Variants in SCD5 observed in about 807,000 individuals in gnomAD.
SCD5 encodes acyl-CoA-desaturase 4.
SCD5 carries 20 observed loss-of-function variants against 30.4 expected under a neutral mutation model. The observed-to-expected ratio is 0.66, with a 90% CI of 0.46 to 0.96. SCD5 has a LOEUF of 0.96. Among genes scored for constraint, SCD5 ranks in the 40% least tolerant of loss-of-function variants. The pLI is 0.00. For missense variants in SCD5, 381 were observed against 443.3 expected (o/e 0.86, Z 1.26); for synonymous variants, 173 against 176.4 (o/e 0.98, Z 0.16).
chr4:82,676,110 C>T (rs1728431266), intron 3 of SCD5, among the ~76,000 whole-genome samples: 1 of 152,138 alleles, frequency 6.6e-6, no homozygotes, highest in African/African-American at 2.4e-5. Context: ...TTCAGCCTCC[C>T]TGATTCCCCT....
At chr4:82,718,440 C>G (rs1720279922) in intron 1 of SCD5, among the ~76,000 whole-genome samples, 1 of 151,772 alleles carries the variant, frequency 6.6e-6, no homozygotes, top group South Asian at 2.1e-4. Context: ...GACCCTCCCT[C>G]ACCATGGTGA....
chr4:82,667,242 A>G (rs564007105), intron 3 of SCD5, among the ~76,000 whole-genome samples: 1 of 151,592 alleles, frequency 6.6e-6, no homozygotes, highest in South Asian at 2.1e-4. Flanking sequence ...AAGAAAAATG[A>G]CTGCTAATGC....
intron 1 of SCD5, among the ~76,000 whole-genome samples, chr4:82,733,287 C>A (rs907950817): frequency 1.3e-5 from 2 of 152,134 alleles, no homozygotes; most frequent in African/African-American, 4.8e-5. Context: ...TCAGCCCCCT[C>A]CCCAGAGCAC....
Position 82,759,060 on chromosome 4 carries a change from G to T in SCD5, c.232+39246C>A, listed in dbSNP as rs577799112. ...CCCTCTTCAGCTCCCGGCCATCTCG[G>T]GTCAGAACGCATCACGGTTCCTTTC... On this transcript the variant is annotated intron_variant, in intron 1 of 4. Transcript: ENST00000319540. Among the ~76,000 whole-genome samples, 6 of 152,312 alleles carry T rather than the reference G, an allele frequency of 3.9e-5. No homozygotes were observed. In the South Asian group the frequency reaches 1.2e-3, roughly 32 times the overall value.
At chr4:82,679,242 A>AGAAAGAAAGAG (rs1560531654) in intron 3 of SCD5, among the ~76,000 whole-genome samples, 2 of 83,814 alleles carry the variant, frequency 2.4e-5, no homozygotes, top group Non-Finnish European at 4.8e-5. Flanking sequence ...GAAAGAAAGA[A>AGAAAGAAAGAG]AGAAAGAAAG....
chr4:82,703,697 CAG>C (rs1231564057), intron 2 of SCD5, among the ~76,000 whole-genome samples: 3 of 152,104 alleles, frequency 2.0e-5, no homozygotes, highest in Admixed American at 6.5e-5. Flanking sequence ...GAAAAAAAAT[CAG>C]AGTTTTAGGC....
chr4:82,762,201 G>C (rs927010268), intron 1 of SCD5, among the ~76,000 whole-genome samples: 21 of 145,190 alleles, frequency 1.4e-4, no homozygotes, highest in Non-Finnish European at 3.0e-4. Flanking sequence ...GGGGAAGGGA[G>C]GGGAGGGGGA....
intron 4 of SCD5, among the ~76,000 whole-genome samples, chr4:82,633,302 A>G (rs1331653627): frequency 6.6e-6 from 1 of 152,226 alleles, no homozygotes; most frequent in African/African-American, 2.4e-5. Flanking sequence ...AGTTGTGGCA[A>G]ATGACAGGAT....
At chr4:82,751,512 T>C (rs1316958873) in intron 1 of SCD5, among the ~76,000 whole-genome samples, 1 of 152,244 alleles carries the variant, frequency 6.6e-6, no homozygotes, top group Admixed American at 6.5e-5. Flanking sequence ...AAATCCTATG[T>C]ACATCAGTCA....
chr4:82,697,094 G>T (rs1324326154), intron 2 of SCD5, among the ~76,000 whole-genome samples: 1 of 152,184 alleles, frequency 6.6e-6, no homozygotes, highest in Non-Finnish European at 1.5e-5. Context: ...GGTTCACTGT[G>T]TGCAGCACTT....
At chr4:82,634,054 GTTCA>G (rs1318193021) in intron 4 of SCD5, among the ~76,000 whole-genome samples, 1 of 152,032 alleles carries the variant, frequency 6.6e-6, no homozygotes, top group Non-Finnish European at 1.5e-5. Context: ...TGTTTTCAAG[GTTCA>G]TTCATTTTGT....
At chr4:82,717,849 G>A (rs1271501168) in intron 1 of SCD5, among the ~76,000 whole-genome samples, 2 of 151,692 alleles carry the variant, frequency 1.3e-5, no homozygotes, top group Non-Finnish European at 2.9e-5. Flanking sequence ...CCAGGAGGCA[G>A]AGGTTGCAGT....
In SCD5 at chr4:82,771,791, T is replaced by TA. The variant is rs1489516483; in HGVS notation, c.232+26514dup. On this transcript the variant is annotated intron_variant, in intron 1 of 4. Transcript: ENST00000319540. The stretch of plus-strand genomic sequence containing the variant: ...TCCTTTTTTCTGAAATCTAAGTTAA[T>TA]AAAAAAAGGTGAAAACTGTGTCAGA... Among the ~76,000 whole-genome samples the TA allele has an allele frequency of 2.6e-5, 4 of 152,164 alleles. No homozygotes were observed. In the South Asian group the frequency reaches 8.3e-4, roughly 32 times the overall value.
chr4:82,717,779 G>T (rs1283145274), intron 1 of SCD5, among the ~76,000 whole-genome samples: 1 of 151,648 alleles, frequency 6.6e-6, no homozygotes, highest in Non-Finnish European at 1.5e-5. Flanking sequence ...AGCCAGGTGT[G>T]ATGGTACATG....
intron 3 of SCD5, among the ~76,000 whole-genome samples, chr4:82,662,108 G>A (rs2148817055): frequency 6.6e-6 from 1 of 152,298 alleles, no homozygotes; most frequent in Non-Finnish European, 1.5e-5. Context: ...TCAGGCTGCA[G>A]TGCAGTGGCT....
At chr4:82,743,424 G>A (rs565615943) in intron 1 of SCD5, among the ~76,000 whole-genome samples, 1 of 152,314 alleles carries the variant, frequency 6.6e-6, no homozygotes, top group South Asian at 2.1e-4. Flanking sequence ...GGTGAGGCAG[G>A]AGGATCTCTT....
chr4:82,737,911 AT>A (rs1181349360), intron 1 of SCD5, among the ~76,000 whole-genome samples: 1 of 151,768 alleles, frequency 6.6e-6, no homozygotes, highest in Non-Finnish European at 1.5e-5. Context: ...AAACTTAAGT[AT>A]TTGAAACACT....
intron 1 of SCD5, among the ~76,000 whole-genome samples, chr4:82,797,363 C>T (rs941731292): frequency 6.6e-6 from 1 of 152,186 alleles, no homozygotes; most frequent in Admixed American, 6.5e-5. Flanking sequence ...ACTGCCGCTT[C>T]AGTAAAGGAG....
chr4:82,682,093 C>G (rs1417260587), intron 2 of SCD5, among the ~76,000 whole-genome samples: 2 of 152,176 alleles, frequency 1.3e-5, no homozygotes, highest in African/African-American at 4.8e-5. Context: ...GGCAATCCAC[C>G]AAGTGGAGAG....
Sources: gnomAD v4.1 joint callset for allele counts (sites outside exome capture counted in the v4.1 genomes callset) on GRCh38, gnomAD v4.1.1 for gene constraint, MANE v1.5 for transcripts, NCBI Gene and HGNC (gene_info 2026-07-23, HGNC 2026-07-21) for gene names.